Variants in PLG observed in about 807,000 individuals in gnomAD.
The protein encoded by PLG is plasminogen.
PLG carries 41 observed loss-of-function variants against 104.4 expected under a neutral mutation model. The ratio of observed to expected loss-of-function variants is 0.39; its 90% CI spans 0.31 to 0.51. The LOEUF is 0.51. Among genes scored for constraint, PLG ranks in the 20% least tolerant of loss-of-function variants. PLG has a pLI of 0.76. For missense variants in PLG, 891 were observed against 1,003.6 expected (o/e 0.89, Z 1.52); for synonymous variants, 337 against 357.1 (o/e 0.94, Z 0.63).
Position 160,711,178 on chromosome 6 carries a change from C to T in PLG, c.394C>T (p.Pro132Ser). The T allele has an allele frequency of 3.7e-6, 6 of 1,613,190 alleles. No homozygotes were observed. Among genetic ancestry groups the T allele is most frequent in the Non-Finnish European group, 5.1e-6 (6 of 1,179,180 alleles). The change falls in exon 4 of 19, where the codon CCC (proline) becomes TCC (serine). Residue 132 changes from proline (P) to serine (S), a missense_variant. Physicochemically the swap from Pro to Ser is moderately conservative, Grantham distance 74 (BLOSUM62 -1). Around this residue, in one of 2 missense-constraint regions of PLG, gnomAD observed 854 missense variants for 932.1 expected, o/e 0.92. Coordinates refer to ENST00000308192, the MANE Select transcript of PLG (RefSeq NM_000301.5). ...CTGTCAAAAATGGAGTTCCACTTCT[C>T]CCCACAGACCTAGGTAAGACATTCC... ...ITCQKWSSTS[P>S]HRPRFSPATH...
intron 1 of PLG, chr6:160,706,098 A>T: frequency 2.5e-6 from 1 of 394,052 alleles, no homozygotes; most frequent in Non-Finnish European, 4.8e-6. Context: ...TTGGGGTACA[A>T]ATGATCCCAT....
chr6:160,729,749 TG>T (rs1351811134), intron 10 of PLG, among the ~76,000 whole-genome samples: 1 of 152,170 alleles, frequency 6.6e-6, no homozygotes, highest in Non-Finnish European at 1.5e-5. Context: ...AGGAATTGAA[TG>T]AGCAGTGACA....
chr6:160,749,479 TCATCAC>T (rs1388894296), intron 17 of PLG, among the ~76,000 whole-genome samples: 4 of 93,128 alleles, frequency 4.3e-5, no homozygotes, highest in Admixed American at 1.3e-4. Flanking sequence ...ACCATCACTA[TCATCAC>T]CACCACCACC....
chr6:160,718,179 G>A (rs1777772893), intron 7 of PLG, 115 bp from the exon 8 acceptor site: 7 of 856,442 alleles, frequency 8.2e-6, no homozygotes, highest in South Asian at 8.2e-5. Flanking sequence ...TTGAACCCAG[G>A]AGGCAGAGGT....
In PLG at chr6:160,741,524, G is replaced by A. The variant is rs1284749496; in HGVS notation, c.2125+107G>A. On this transcript the variant is annotated intron_variant, in intron 17 of 18. Coordinates refer to ENST00000308192, the MANE Select transcript of PLG (RefSeq NM_000301.5). This position sits in a 1 kb window ranked among gnomAD's most constrained non-coding sequence, Gnocchi z 4.7. ...TGTGCAAATTCCTATCCATGAATGT[G>A]GTCCACCCCACTCCTGATTTTGCCT... 1.3e-6 allele frequency: 1 copy of A among 790,514 alleles called. No individual in the cohort carries two copies. Among genetic ancestry groups the A allele is most frequent in the Non-Finnish European group, 2.2e-6 (1 of 451,318 alleles). 49.0% of individuals were successfully genotyped at this position (790,514 alleles called of 1,614,324 possible). A position where few individuals can be genotyped will look rare whatever the true frequency, so the allele number is the denominator to read the frequency against.
chr6:160,748,401 G>GAAAGAAAGAAAGAAAGAAAGA (rs1562383473), intron 17 of PLG, among the ~76,000 whole-genome samples: 1 of 71,100 alleles, frequency 1.4e-5, no homozygotes, highest in Admixed American at 1.7e-4. Context: ...AGAAAGAAAG[G>GAAAGAAAGAAAGAAAGAAAGA]AAGAAAGAAA....
Position 160,736,649 on chromosome 6 carries a change from T to C in PLG, c.1682-238T>C, listed in dbSNP as rs913812130. On this transcript the variant is annotated intron_variant, in intron 13 of 18. Transcript: ENST00000308192. The surrounding 1 kb of genome is among the most constrained non-coding windows in gnomAD (Gnocchi z 5.2). ...CTGATGCTAAACTATACCAGTCTGT[T>C]TGATCACTTCTCCAACAAAATAATT... Among the ~76,000 whole-genome samples, 1 of 152,212 alleles carries C rather than the reference T, an allele frequency of 6.6e-6. No individual in the cohort carries two copies. The highest frequency in any genetic ancestry group is 2.4e-5 in the African/African-American group (1 of 41,444).
Position 160,718,313 on chromosome 6 carries a change from T to C in PLG, c.807T>C (p.Ser269=), listed in dbSNP as rs779647096. 5.0e-6 allele frequency: 8 copies of C among 1,613,884 alleles called. No homozygotes were observed. In the South Asian group the frequency reaches 7.7e-5, roughly 16 times the overall value. The change falls in exon 8 of 19, where the codon TCT becomes TCC. Residue 269 remains serine, a synonymous_variant. Coordinates refer to ENST00000308192, the MANE Select transcript of PLG (RefSeq NM_000301.5). ...IPRCTTPPPS[S]GPTYQCLKGT... ...TTCAAGCAACACCTCCACCATCTTC[T>C]GGTCCCACCTACCAGTGTCTGAAGG... is the stretch of plus-strand genomic sequence containing the variant.
Position 160,731,963 on chromosome 6 carries a change from T to C in PLG, c.1587+70T>C. On this transcript the variant is annotated intron_variant, in intron 12 of 18. Coordinates refer to ENST00000308192, the MANE Select transcript of PLG (RefSeq NM_000301.5). This position sits in a 1 kb window ranked among gnomAD's most constrained non-coding sequence, Gnocchi z 5.1. ...CTTTGCAAACAGAATTGGTTCTGTGTTACAGAAAATCTGACCTGGACTGCT... is the reference window on the plus strand; with the variant it reads ...CTTTGCAAACAGAATTGGTTCTGTGCTACAGAAAATCTGACCTGGACTGCT... 2 of 1,521,674 alleles carry C rather than the reference T, an allele frequency of 1.3e-6. No homozygotes were observed. The highest frequency in any genetic ancestry group is 9.1e-7 in the Non-Finnish European group (1 of 1,097,972). The allele number at this position is 1,521,674 out of a possible 1,614,324, so 94.3% of individuals were successfully genotyped here. A position where few individuals can be genotyped will look rare whatever the true frequency, so the allele number is the denominator to read the frequency against.
chr6:160,715,947 T>C (rs950856419), intron 6 of PLG, among the ~76,000 whole-genome samples: 3 of 152,140 alleles, frequency 2.0e-5, no homozygotes, highest in Admixed American at 2.0e-4. Flanking sequence ...AGGCATGGAG[T>C]GCATCCAACA....
At chr6:160,713,272 A>ATTTT in intron 5 of PLG, 147 bp downstream of exon 5, 2 of 713,618 alleles carry the variant, frequency 2.8e-6, no homozygotes, top group Non-Finnish European at 2.4e-6. Flanking sequence ...AATTAACCTG[A>ATTTT]ATTTTTTTTT....
intron 1 of PLG, chr6:160,705,458 A>G (rs1777504240): frequency 6.6e-6 from 1 of 152,250 alleles, no homozygotes; most frequent in South Asian, 2.1e-4. Flanking sequence ...ATTTCCTCCG[A>G]AATCCAGATA....
Position 160,727,189 on chromosome 6 carries a change from T to A in PLG, c.1257-3862T>A, listed in dbSNP as rs533180645. Among the ~76,000 whole-genome samples the A allele has an allele frequency of 7.2e-5, 11 of 151,966 alleles. No individual in the cohort carries two copies. In the South Asian group the frequency reaches 1.9e-3, roughly 26 times the overall value. On this transcript the variant is annotated intron_variant, in intron 10 of 18. Coordinates refer to ENST00000308192, the MANE Select transcript of PLG (RefSeq NM_000301.5). ...ATTCAATAACCTAGATAATATGGACTAATTCCTTAGAAAAAAACAAATAAG... is the reference window on the plus strand; with the variant it reads ...ATTCAATAACCTAGATAATATGGACAAATTCCTTAGAAAAAAACAAATAAG...
At chr6:160,730,995 G>A in intron 10 of PLG, 56 bp from the exon 11 acceptor site, 2 of 1,537,938 alleles carry the variant, frequency 1.3e-6, no homozygotes, top group Non-Finnish European at 1.8e-6. Flanking sequence ...GAGGGTGCTG[G>A]GTGCCCCTGA....
rs1778084979 is a variant in PLG, at chr6:160,736,529, A to T, written c.1682-358A>T. Among the ~76,000 whole-genome samples, 2 of 152,220 alleles carry T rather than the reference A, an allele frequency of 1.3e-5. No homozygotes were observed. Among genetic ancestry groups the T allele is most frequent in the Admixed American group, 1.3e-4 (2 of 15,284 alleles). On this transcript the variant is annotated intron_variant, in intron 13 of 18. Coordinates refer to ENST00000308192, the MANE Select transcript of PLG (RefSeq NM_000301.5). This position sits in a 1 kb window ranked among gnomAD's most constrained non-coding sequence, Gnocchi z 5.2. ...GGTGATGATGATGATTATGGGAAGG[A>T]TGGCATCATGTTCTAAACATACTGC...
In PLG at chr6:160,736,956, G is replaced by T; in HGVS notation, c.1751G>T (p.Gly584Val). Residue 584 changes from glycine to valine, a missense_variant, in exon 14 of 19, where the codon GGG (glycine) becomes GTG (valine). This residue lies in a region of PLG where 854 missense variants were observed against 932.1 expected (regional missense o/e 0.92). Coordinates refer to ENST00000308192, the MANE Select transcript of PLG (RefSeq NM_000301.5). The surrounding 1 kb of genome is among the most constrained non-coding windows in gnomAD (Gnocchi z 5.2). ...PKKCPGRVVG[G>V]CVAHPHSWPW... ...AAATGTCCTGGAAGGGTTGTAGGGG[G>T]GTGTGTGGCCCACCCACATTCCTGG... 1 of 1,613,864 alleles carries T rather than the reference G, an allele frequency of 6.2e-7. No homozygotes were observed. Among genetic ancestry groups the T allele is most frequent in the Non-Finnish European group, 8.5e-7 (1 of 1,179,916 alleles).
chr6:160,739,042 C>T lies in PLG; in HGVS notation c.1878-26C>T. 1.2e-6 allele frequency: 2 copies of T among 1,613,756 alleles called. No individual in the cohort carries two copies. The highest frequency in any genetic ancestry group is 1.7e-6 in the Non-Finnish European group (2 of 1,179,738). The stretch of plus-strand genomic sequence containing the variant: ...ACCTGAAGGGGCTGGACCATATTTT[C>T]CTCTTGACGTCCTCATCTTTTCTAG... On this transcript the variant is annotated intron_variant, in intron 15 of 18. Transcript: ENST00000308192. This position sits in a 1 kb window ranked among gnomAD's most constrained non-coding sequence, Gnocchi z 4.4.
At position 160,723,446 on chromosome 6, in the gene PLG, C is replaced by G. The variant is rs1777877852; in HGVS notation, c.1256+879C>G. Among the ~76,000 whole-genome samples, 1 of 152,086 alleles carries G rather than the reference C, an allele frequency of 6.6e-6. No homozygotes were observed. Among genetic ancestry groups the G allele is most frequent in the African/African-American group, 2.4e-5 (1 of 41,392 alleles). Reference sequence around the variant, plus strand: ...GAAAGGGAATCAAATGAGATCAACCCAATAACTACCTTGGCTTTGTTCCTG... The same window carrying G: ...GAAAGGGAATCAAATGAGATCAACCGAATAACTACCTTGGCTTTGTTCCTG... On this transcript the variant is annotated intron_variant, in intron 10 of 18. Transcript: ENST00000308192. This position sits in a 1 kb window ranked among gnomAD's most constrained non-coding sequence, Gnocchi z 4.7.
chr6:160,731,979 C>T lies in PLG; in HGVS notation c.1587+86C>T. The T allele has an allele frequency of 7.3e-7, 1 of 1,360,728 alleles. No individual in the cohort carries two copies. Among genetic ancestry groups the T allele is most frequent in the Admixed American group, 1.7e-5 (1 of 59,576 alleles). The allele number at this position is 1,360,728 out of a possible 1,614,324, so 84.3% of individuals were successfully genotyped here. The stretch of plus-strand genomic sequence containing the variant: ...GGTTCTGTGTTACAGAAAATCTGAC[C>T]TGGACTGCTCTTTTTTGTAATGGGG... On this transcript the variant is annotated intron_variant, in intron 12 of 18. Coordinates refer to ENST00000308192, the MANE Select transcript of PLG (RefSeq NM_000301.5). This position sits in a 1 kb window ranked among gnomAD's most constrained non-coding sequence, Gnocchi z 5.1.
Sources: allele counts gnomAD v4.1 joint callset (sites outside exome capture counted in the v4.1 genomes callset), GRCh38; gene constraint gnomAD v4.1.1; regional missense constraint gnomAD v4.1.1; non-coding constraint Gnocchi (gnomAD v3.1); transcripts MANE v1.5; gene names NCBI Gene and HGNC (gene_info 2026-07-23, HGNC 2026-07-21).